The following RASAL2 variants were observed in gnomAD, a reference collection of about 807,000 sequenced individuals.
RASAL2 encodes the protein RAS protein activator like 2.
In RASAL2, 58 loss-of-function variants were observed where a neutral mutation model predicts 128.9. That is an observed-to-expected ratio of 0.45 (90% CI 0.36 to 0.56). The LOEUF (loss-of-function observed/expected upper bound fraction) is 0.56. Ranked by LOEUF, RASAL2 falls within the 20% of genes least tolerant of loss-of-function variation. RASAL2 has a pLI of 0.00. For missense variants in RASAL2, 1,360 were observed against 1,601.6 expected, an observed-to-expected ratio of 0.85 and a Z score of 2.57; for synonymous variants, 561 against 580.8, an observed-to-expected ratio of 0.97 and a Z score of 0.49.
chr1:178,114,522 GTT>G (rs560913048), intron 1 of RASAL2, among the ~76,000 whole-genome samples: 3 of 144,570 alleles, frequency 2.1e-5, no homozygotes, highest in African/African-American at 7.6e-5. Flanking sequence ...GATTTTTGAG[GTT>G]TTTTTTTTTT....
intron 3 of RASAL2, among the ~76,000 whole-genome samples, chr1:178,387,636 G>C (rs2102594159): frequency 6.9e-6 from 1 of 144,100 alleles, no homozygotes; most frequent in East Asian, 2.1e-4. Flanking sequence ...TTGGTTTTTT[G>C]TCCTTGCGAT....
intron 4 of RASAL2, among the ~76,000 whole-genome samples, chr1:178,399,028 T>C (rs780234854): frequency 2.0e-5 from 3 of 152,232 alleles, no homozygotes; most frequent in African/African-American, 7.2e-5. Context: ...TTCTTAGTGA[T>C]TGATCTTTGG....
chr1:178,446,713 A>T (rs1398051520), intron 9 of RASAL2, among the ~76,000 whole-genome samples: 1 of 152,212 alleles, frequency 6.6e-6, no homozygotes, highest in East Asian at 1.9e-4. Flanking sequence ...CAATGTAAGG[A>T]TATAACATTA....
At chr1:178,108,625 C>T (rs1659185499) in intron 1 of RASAL2, among the ~76,000 whole-genome samples, 1 of 152,136 alleles carries the variant, frequency 6.6e-6, no homozygotes, top group Admixed American at 6.5e-5. Context: ...CAGTTCCTCT[C>T]AAATCTGTGC....
At chr1:178,311,961 G>A (rs980118447) in intron 3 of RASAL2, among the ~76,000 whole-genome samples, 3 of 151,940 alleles carry the variant, frequency 2.0e-5, no homozygotes, top group African/African-American at 4.8e-5. Flanking sequence ...AACAAGAACA[G>A]AATGTTTTAC....
intron 1 of RASAL2, among the ~76,000 whole-genome samples, chr1:178,188,799 G>A (rs1662395622): frequency 6.6e-6 from 1 of 152,096 alleles, no homozygotes; most frequent in Admixed American, 6.6e-5. Context: ...ACAGATATCT[G>A]TATACTAGCT....
At chr1:178,169,451 A>G (rs913104172) in intron 1 of RASAL2, among the ~76,000 whole-genome samples, 3 of 152,144 alleles carry the variant, frequency 2.0e-5, no homozygotes, top group Non-Finnish European at 2.9e-5. Flanking sequence ...GTTTATTTTT[A>G]AAAGATGTTC....
intron 3 of RASAL2, among the ~76,000 whole-genome samples, chr1:178,323,480 A>G (rs1345663173): frequency 6.6e-6 from 1 of 152,230 alleles, no homozygotes; most frequent in Non-Finnish European, 1.5e-5. Flanking sequence ...GAGAATTACT[A>G]AATATCATTG....
intron 1 of RASAL2, among the ~76,000 whole-genome samples, chr1:178,175,510 TTTAATTTAC>T (rs1661856017): frequency 6.6e-6 from 1 of 151,698 alleles, no homozygotes; most frequent in African/African-American, 2.4e-5. Flanking sequence ...AACGTACTTA[TTTAATTTAC>T]TTAATTTACT....
chr1:178,225,587 T>C (rs1663757781), intron 1 of RASAL2, among the ~76,000 whole-genome samples: 1 of 152,074 alleles, frequency 6.6e-6, no homozygotes, highest in Non-Finnish European at 1.5e-5. Flanking sequence ...TCTAAGGTGA[T>C]TTCTTAGCTA....
intron 17 of RASAL2, among the ~76,000 whole-genome samples, chr1:178,470,886 G>A (rs1349320094): frequency 6.6e-6 from 1 of 152,200 alleles, no homozygotes; most frequent in Non-Finnish European, 1.5e-5. Flanking sequence ...GAATTGAAAT[G>A]TCCGAGCATC....
chr1:178,277,017 G>A (rs926517032), intron 1 of RASAL2, among the ~76,000 whole-genome samples: 9 of 151,326 alleles, frequency 5.9e-5, no homozygotes, highest in Admixed American at 2.6e-4. Context: ...GTGTGGTGGC[G>A]GTCGCCTGTA....
At chr1:178,227,020 A>G (rs906559410) in intron 1 of RASAL2, among the ~76,000 whole-genome samples, 1 of 152,102 alleles carries the variant, frequency 6.6e-6, no homozygotes, top group African/African-American at 2.4e-5. Context: ...CTCAAAATAC[A>G]TACATCTCAA....
intron 3 of RASAL2, among the ~76,000 whole-genome samples, chr1:178,365,480 T>TGTTAC (rs1671349965): frequency 6.6e-6 from 1 of 151,218 alleles, no homozygotes; most frequent in African/African-American, 2.4e-5. Flanking sequence ...TGTTATGTTA[T>TGTTAC]GTTATGTTAT....
chr1:178,464,169 A>G, intron 14 of RASAL2, 109 bp from the exon 15 acceptor site: 1 of 1,314,858 alleles, frequency 7.6e-7, no homozygotes, highest in Non-Finnish European at 1.0e-6. Context: ...AAGAGCATTT[A>G]TTAGAAAACT....
At chr1:178,428,115 T>G (rs887257038) in intron 5 of RASAL2, among the ~76,000 whole-genome samples, 13 of 152,078 alleles carry the variant, frequency 8.5e-5, no homozygotes, top group African/African-American at 3.1e-4. Flanking sequence ...AGTAGTTTGT[T>G]TCTTCGGTTG....
At chr1:178,280,663 T>G (rs1425578763) in intron 1 of RASAL2, among the ~76,000 whole-genome samples, 3 of 152,092 alleles carry the variant, frequency 2.0e-5, no homozygotes, top group African/African-American at 7.2e-5. Flanking sequence ...CTTTTTAATG[T>G]TTCTAAAATT....
At chr1:178,454,259 C>G (rs1677603515) in intron 11 of RASAL2, among the ~76,000 whole-genome samples, 188 bp from the exon 12 acceptor site, 1 of 148,444 alleles carries the variant, frequency 6.7e-6, no homozygotes, top group African/African-American at 2.5e-5. Flanking sequence ...AAGCTATTCT[C>G]AAAGCATTAG....
chr1:178,291,268 AG>A (rs1667270806), intron 2 of RASAL2, among the ~76,000 whole-genome samples: 1 of 152,230 alleles, frequency 6.6e-6, no homozygotes, highest in African/African-American at 2.4e-5. Flanking sequence ...AGCAAGAACT[AG>A]GTAATGAAGA....
Sources: allele counts gnomAD v4.1 joint callset (sites outside exome capture counted in the v4.1 genomes callset), GRCh38; gene constraint gnomAD v4.1.1; transcripts MANE v1.5; gene names NCBI Gene and HGNC (gene_info 2026-07-23, HGNC 2026-07-21).